MAGI1: variants seen among roughly 807,000 people sequenced by gnomAD.
MAGI1 encodes the protein membrane-associated guanylate kinase, WW and PDZ domain-containing protein 1.
MAGI1 carries 58 observed loss-of-function variants against 139.9 expected under a neutral mutation model. The observed-to-expected ratio is 0.41, with a 90% confidence interval of 0.34 to 0.52. The LOEUF is 0.52. MAGI1 is among the 20% of genes least tolerant of loss of function. MAGI1 has a pLI of 0.12. For synonymous variants in MAGI1, 812 were observed against 737.9 expected (o/e 1.10, Z -1.63); for missense variants, 1,874 against 1,901.6 (o/e 0.99, Z 0.27).
intron 1 of MAGI1, among the ~76,000 whole-genome samples, chr3:65,987,158 G>T (rs546266659): frequency 2.0e-5 from 3 of 152,158 alleles, no homozygotes; most frequent in Non-Finnish European, 4.4e-5. Context: ...GTGAGCTACC[G>T]CGCCTGGCCT....
chr3:65,899,632 A>G (rs73138939), intron 1 of MAGI1, among the ~76,000 whole-genome samples: 18,594 of 152,236 alleles, frequency 0.12, 1,243 homozygotes, highest in East Asian at 0.26. Flanking sequence ...CAGAAAGAAC[A>G]ACTATGACCT....
intron 1 of MAGI1, among the ~76,000 whole-genome samples, chr3:65,772,243 C>A (rs2038016775): frequency 6.6e-6 from 1 of 152,156 alleles, no homozygotes; most frequent in Non-Finnish European, 1.5e-5. Context: ...CTATTAGGCC[C>A]AATCCCTTCC....
At chr3:65,707,732 G>A (rs1483966435) in intron 1 of MAGI1, among the ~76,000 whole-genome samples, 1 of 147,576 alleles carries the variant, frequency 6.8e-6, no homozygotes. Flanking sequence ...AATCCCTGGA[G>A]AAAAGATAAT....
At chr3:65,993,038 C>T (rs2066262344) in intron 1 of MAGI1, among the ~76,000 whole-genome samples, 1 of 151,774 alleles carries the variant, frequency 6.6e-6, no homozygotes, top group Admixed American at 6.6e-5. Context: ...ACTATATTGC[C>T]CAGGGTGGTC....
intron 1 of MAGI1, among the ~76,000 whole-genome samples, chr3:65,831,691 C>G (rs935045593): frequency 1.3e-5 from 2 of 152,122 alleles, no homozygotes; most frequent in Non-Finnish European, 2.9e-5. Context: ...CAAAAAAATT[C>G]CACATAGATT....
At chr3:65,534,317 A>T (rs1014793146) in intron 2 of MAGI1, among the ~76,000 whole-genome samples, 1 of 152,054 alleles carries the variant, frequency 6.6e-6, no homozygotes, top group Non-Finnish European at 1.5e-5. Context: ...CCTCATCTCT[A>T]CAAAAATAAA....
chr3:65,540,831 G>A (rs1318015053), intron 2 of MAGI1, among the ~76,000 whole-genome samples: 5 of 152,132 alleles, frequency 3.3e-5, no homozygotes, highest in Non-Finnish European at 7.3e-5. Flanking sequence ...AGCCATGTTG[G>A]TAAAATATAA....
At chr3:65,685,969 T>C (rs1454371175) in intron 1 of MAGI1, among the ~76,000 whole-genome samples, 1 of 152,198 alleles carries the variant, frequency 6.6e-6, no homozygotes, top group Non-Finnish European at 1.5e-5. Context: ...CGCAGCACGG[T>C]GCAAAACAAA....
At chr3:65,437,011 C>T (rs1476150156) in intron 10 of MAGI1, 144 bp downstream of exon 10, 8 of 479,924 alleles carry the variant, frequency 1.7e-5, no homozygotes, top group South Asian at 5.3e-5. Context: ...TCTAACAATA[C>T]ATTTATCATT....
rs558224008 is a variant in MAGI1 at position 65,496,429 on chromosome 3, G to A, written c.431-2798C>T. Among the ~76,000 whole-genome samples, 8 of 152,250 alleles carry A rather than the reference G, an allele frequency of 5.3e-5. No homozygotes were observed. The South Asian group carries it at 1.5e-3, about 28-fold the overall frequency. On this transcript the variant is annotated intron_variant, in intron 2 of 22. Coordinates refer to ENST00000402939, the MANE Select transcript of MAGI1 (RefSeq NM_001033057.2). Reference sequence around the variant, plus strand: ...AGGTGGGCAAGAATAGAAGCAGGGGGACCAGTTGGGTGGTTACCATAGTGT... The same window carrying A: ...AGGTGGGCAAGAATAGAAGCAGGGGAACCAGTTGGGTGGTTACCATAGTGT...
chr3:65,490,655 C>T (rs1012754034), intron 3 of MAGI1, among the ~76,000 whole-genome samples: 4 of 151,698 alleles, frequency 2.6e-5, no homozygotes, highest in African/African-American at 9.7e-5. Flanking sequence ...ACCATCCTGG[C>T]CAACACGGTG....
At chr3:65,363,380 G>GA in intron 21 of MAGI1, 85 bp downstream of exon 21, 10 of 1,431,704 alleles carry the variant, frequency 7.0e-6, no homozygotes, top group Non-Finnish European at 9.4e-6. Flanking sequence ...TAGTTCTTAT[G>GA]AACATGAACA....
chr3:65,440,781 T>TTA (rs1267895690), intron 8 of MAGI1, among the ~76,000 whole-genome samples: 1 of 151,384 alleles, frequency 6.6e-6, no homozygotes, highest in Non-Finnish European at 1.5e-5. Flanking sequence ...ACAAAACTAA[T>TTA]TATATATATA....
At chr3:65,449,787 C>T (rs1178510179) in intron 6 of MAGI1, among the ~76,000 whole-genome samples, 3 of 151,980 alleles carry the variant, frequency 2.0e-5, no homozygotes, top group African/African-American at 7.2e-5. Context: ...AAAACAGAAT[C>T]AGACATCTCT....
At chr3:65,637,559 A>AGAAT (rs1156330929) in intron 1 of MAGI1, among the ~76,000 whole-genome samples, 1 of 30,966 alleles carries the variant, frequency 3.2e-5, no homozygotes, top group Non-Finnish European at 7.8e-5. Flanking sequence ...CTCCAAAAAA[A>AGAAT]GAAAGAAAGA....
intron 1 of MAGI1, among the ~76,000 whole-genome samples, chr3:65,825,502 C>T (rs530248922): frequency 1.3e-5 from 2 of 152,222 alleles, no homozygotes; most frequent in South Asian, 2.1e-4. Flanking sequence ...TAAATCAGAG[C>T]TCTTTCTTCC....
At chr3:65,809,962 C>T (rs190923202) in intron 1 of MAGI1, among the ~76,000 whole-genome samples, 1 of 151,566 alleles carries the variant, frequency 6.6e-6, no homozygotes, top group Admixed American at 6.6e-5. Flanking sequence ...ACACACACAA[C>T]CTCACATATA....
intron 2 of MAGI1, among the ~76,000 whole-genome samples, chr3:65,545,999 C>CAA (rs1241818648): frequency 6.9e-6 from 1 of 144,632 alleles, no homozygotes; most frequent in African/African-American, 2.7e-5. Context: ...CACACGCACA[C>CAA]ACACACACAC....
At chr3:65,525,063 C>T (rs1320951164) in intron 2 of MAGI1, among the ~76,000 whole-genome samples, 1 of 152,092 alleles carries the variant, frequency 6.6e-6, no homozygotes, top group East Asian at 1.9e-4. Context: ...GGCTCCAGCA[C>T]CCTCAGTCAT....
Sources: allele counts gnomAD v4.1 joint callset (sites outside exome capture counted in the v4.1 genomes callset), GRCh38; gene constraint gnomAD v4.1.1; transcripts MANE v1.5; gene names NCBI Gene and HGNC (gene_info 2026-07-23, HGNC 2026-07-21).